The following UBR3 variants were observed in gnomAD, a reference collection of about 807,000 sequenced individuals.
UBR3 encodes the protein E3 ubiquitin-protein ligase UBR3.
A neutral mutation model predicts 243.2 loss-of-function variants in UBR3; 85 were observed. That is an observed-to-expected ratio of 0.35 (90% CI 0.29 to 0.42). The LOEUF (loss-of-function observed/expected upper bound fraction) is 0.42. Ranked by LOEUF, UBR3 falls within the 10% of genes least tolerant of loss-of-function variation. The probability of loss-of-function intolerance (pLI) is 1.00; values close to 1 mark genes in which losing one functional copy is unlikely to be tolerated. For synonymous variants in UBR3, 748 were observed against 799.8 expected (o/e 0.94, Z 1.09); for missense variants, 1,686 against 2,300.8 (o/e 0.73, Z 5.47).
At chr2:169,874,850 G>A (rs2083548551) in intron 2 of UBR3, among the ~76,000 whole-genome samples, 1 of 152,044 alleles carries the variant, frequency 6.6e-6, no homozygotes. Flanking sequence ...TATAGGTGTG[G>A]TTTTGTTCAT....
At chr2:169,844,266 T>C (rs1212668676) in intron 1 of UBR3, among the ~76,000 whole-genome samples, 1 of 152,162 alleles carries the variant, frequency 6.6e-6, no homozygotes, top group African/African-American at 2.4e-5. Context: ...CCCAGAGTGC[T>C]GGGATTACAG....
At chr2:169,893,820 C>T (rs764329422) in intron 6 of UBR3, among the ~76,000 whole-genome samples, 4 of 152,090 alleles carry the variant, frequency 2.6e-5, no homozygotes, top group Non-Finnish European at 5.9e-5. Flanking sequence ...CCTCAGCCTC[C>T]CAAAGTGCTA....
intron 25 of UBR3, among the ~76,000 whole-genome samples, chr2:169,988,803 T>C (rs7585035): frequency 0.066 from 10,005 of 151,978 alleles, 342 homozygotes; most frequent in Non-Finnish European, 0.084. Context: ...TTAAAAAAAT[T>C]AAAAAAGAAA....
At chr2:169,859,948 ACCTTGTGAT>A (rs1260330533) in intron 1 of UBR3, among the ~76,000 whole-genome samples, 1 of 151,896 alleles carries the variant, frequency 6.6e-6, no homozygotes, top group Non-Finnish European at 1.5e-5. Context: ...GGATCTCCTG[ACCTTGTGAT>A]CCACCCGCCT....
At chr2:169,972,837 C>T (rs974615597) in intron 24 of UBR3, among the ~76,000 whole-genome samples, 2 of 151,716 alleles carry the variant, frequency 1.3e-5, no homozygotes, top group African/African-American at 4.8e-5. Context: ...TGGAAGCATT[C>T]CCTTTGAAAA....
intron 24 of UBR3, among the ~76,000 whole-genome samples, chr2:169,980,869 G>T (rs565266161): frequency 1.3e-5 from 2 of 149,752 alleles, no homozygotes; most frequent in East Asian, 3.9e-4. Context: ...TAAGAACTGG[G>T]GCAGGGAACA....
Position 169,983,061 on chromosome 2 carries a change from C to T in UBR3, c.3635-3584C>T, listed in dbSNP as rs566171325. Among the ~76,000 whole-genome samples the T allele has an allele frequency of 1.7e-4, 25 of 143,634 alleles. No homozygotes were observed. In the South Asian group the frequency reaches 5.0e-3, roughly 29 times the overall value. 94.2% of individuals were successfully genotyped at this position (143,634 alleles called of 152,430 possible). On this transcript the variant is annotated intron_variant, in intron 24 of 38. Transcript: ENST00000272793. ...AAGGTAGCCCACCTTGACTTATTCT[C>T]ATGGAGATGGTAGAGTTGAGAGAGT... is the stretch of plus-strand genomic sequence containing the variant.
chr2:169,854,246 A>G (rs544102038), intron 1 of UBR3, among the ~76,000 whole-genome samples: 10 of 152,372 alleles, frequency 6.6e-5, no homozygotes, highest in African/African-American at 2.2e-4. Flanking sequence ...AATTCTTGTC[A>G]GAAATATACA....
At chr2:169,967,922 C>T (rs1244636941) in intron 24 of UBR3, among the ~76,000 whole-genome samples, 1 of 151,236 alleles carries the variant, frequency 6.6e-6, no homozygotes, top group Non-Finnish European at 1.5e-5. Context: ...TTAATTTTTC[C>T]TAGAGTCCCT....
chr2:169,936,655 A>T (rs2105352934), intron 19 of UBR3, among the ~76,000 whole-genome samples: 1 of 152,070 alleles, frequency 6.6e-6, no homozygotes, highest in Non-Finnish European at 1.5e-5. Flanking sequence ...ATATCTCCTA[A>T]TGCTATCCCT....
rs1192138250 is a variant in UBR3 at position 169,870,303 on chromosome 2, G to GT, written c.546-1926dup. ...TTCATTATTGTTCATTTTAAATTAA[G>GT]TTTTTTTGGTAGACTGGGTCTCGCT... is the stretch of plus-strand genomic sequence containing the variant. On this transcript the variant is annotated intron_variant, in intron 1 of 38. Transcript: ENST00000272793. Among the ~76,000 whole-genome samples the GT allele has an allele frequency of 5.3e-5, 8 of 151,982 alleles. No homozygotes were observed. The East Asian group carries it at 1.4e-3, about 26-fold the overall frequency.
intron 32 of UBR3, among the ~76,000 whole-genome samples, chr2:170,049,914 G>C (rs1216357403): frequency 1.3e-5 from 2 of 152,104 alleles, no homozygotes. Flanking sequence ...TTATTTTATG[G>C]TAAATTGCTT....
At chr2:170,054,054 C>A (rs570991147) in intron 32 of UBR3, among the ~76,000 whole-genome samples, 62 of 152,296 alleles carry the variant, frequency 4.1e-4, no homozygotes, top group African/African-American at 1.5e-3. Context: ...TTATTAAGTA[C>A]CTAATATGTG....
chr2:169,881,221 T>C (rs1268998218), intron 5 of UBR3, among the ~76,000 whole-genome samples: 3 of 152,038 alleles, frequency 2.0e-5, no homozygotes, highest in African/African-American at 7.2e-5. Flanking sequence ...GCTACATTGC[T>C]CAGGCTGGAG....
In UBR3 at chr2:169,868,018, C is replaced by G. The variant is rs139184116; in HGVS notation, c.546-4218C>G. ...GCACAATGAACCTAACTAGTATGAT[C>G]TTTTTATTAGGGAAAATATCCCTTG... is the stretch of plus-strand genomic sequence containing the variant. On this transcript the variant is annotated intron_variant, in intron 1 of 38. Transcript: ENST00000272793. Among the ~76,000 whole-genome samples, 169 of 152,106 alleles carry G rather than the reference C, an allele frequency of 1.1e-3. 3 individuals carry two copies. In the East Asian group the frequency reaches 0.031, roughly 28 times the overall value.
chr2:169,866,257 A>C (rs1343910855), intron 1 of UBR3, among the ~76,000 whole-genome samples: 1 of 1,536 alleles, frequency 6.5e-4, no homozygotes, highest in Admixed American at 7.8e-3. Flanking sequence ...ACTGTGTCTC[A>C]AAAAAAAAAA....
chr2:169,882,146 A>G (rs2083896776), intron 5 of UBR3, among the ~76,000 whole-genome samples: 1 of 130,574 alleles, frequency 7.7e-6, no homozygotes, highest in African/African-American at 2.9e-5. Context: ...TTTATATTAT[A>G]TATGTATATA....
chr2:170,018,490 C>A (rs1323177781), intron 30 of UBR3, among the ~76,000 whole-genome samples: 1 of 152,154 alleles, frequency 6.6e-6, no homozygotes, highest in Non-Finnish European at 1.5e-5. Flanking sequence ...ATGTATTCAG[C>A]ACATGATACT....
chr2:170,034,163 G>T (rs2090763458), intron 31 of UBR3, among the ~76,000 whole-genome samples: 1 of 151,850 alleles, frequency 6.6e-6, no homozygotes, highest in Non-Finnish European at 1.5e-5. Context: ...TACAGCTGAT[G>T]AGCCTATATT....
Sources: gnomAD v4.1 joint callset for allele counts (sites outside exome capture counted in the v4.1 genomes callset) on GRCh38, gnomAD v4.1.1 for gene constraint, MANE v1.5 for transcripts, NCBI Gene and HGNC (gene_info 2026-07-23, HGNC 2026-07-21) for gene names.